REV3L: variants seen among roughly 807,000 people sequenced by gnomAD.
REV3L encodes the protein REV3 like, DNA directed polymerase zeta catalytic subunit.
In REV3L, 69 loss-of-function variants were observed where a neutral mutation model predicts 299.4. The observed-to-expected ratio is 0.23, with a 90% confidence interval of 0.19 to 0.28. REV3L has a LOEUF of 0.28. Ranked by LOEUF, REV3L falls within the 10% of genes least tolerant of loss-of-function variation. The probability of loss-of-function intolerance (pLI) is 1.00; values close to 1 mark genes in which losing one functional copy is unlikely to be tolerated. For missense variants in REV3L, 3,128 were observed against 3,693.8 expected, an observed-to-expected ratio of 0.85 and a Z score of 3.97; for synonymous variants, 1,238 against 1,271.4, an observed-to-expected ratio of 0.97 and a Z score of 0.56.
chr6:111,311,076 G>T lies in REV3L; in HGVS notation c.8788C>A (p.Leu2930Ile). Reference protein sequence around the residue: ...KPGACVPALELTRKMLTYDRR... With the variant: ...KPGACVPALEITRKMLTYDRR... ...TACTGAGGGTATCATTACCTTGTAA[G>T]TTCAAGGGCTGGCACACAAGCTCCT... The change falls in exon 29 of 32, where the codon CTT (leucine) becomes ATT (isoleucine). Residue 2930 changes from leucine to isoleucine, a missense_variant. Coordinates refer to ENST00000368802, the MANE Select transcript of REV3L (RefSeq NM_001372078.1). 6.2e-7 allele frequency: 1 copy of T among 1,612,570 alleles called. No homozygotes were observed. The highest frequency in any genetic ancestry group is 8.5e-7 in the Non-Finnish European group (1 of 1,179,336).
At chr6:111,399,015 C>G (rs968061945) in intron 4 of REV3L, among the ~76,000 whole-genome samples, 2 of 152,038 alleles carry the variant, frequency 1.3e-5, no homozygotes, top group African/African-American at 2.4e-5. Flanking sequence ...GTAAACACTT[C>G]CGATATTCTG....
At chr6:111,355,447 T>A (rs1777992460) in intron 18 of REV3L, among the ~76,000 whole-genome samples, 1 of 152,158 alleles carries the variant, frequency 6.6e-6, no homozygotes, top group Non-Finnish European at 1.5e-5. Context: ...AAGAATGAAA[T>A]AATCAATCTT....
At position 111,373,687 on chromosome 6, in the gene REV3L, T is replaced by C; in HGVS notation, c.4668A>G (p.Gln1556=). 1 of 1,613,966 alleles carries C rather than the reference T, an allele frequency of 6.2e-7. No homozygotes were observed. Among genetic ancestry groups the C allele is most frequent in the African/African-American group, 1.3e-5 (1 of 75,008 alleles). ...GGGAACCAGAAATATTTTTATTTGGTTGATGTTTATTGGATAATGGGTCTT... is the reference window on the plus strand; with the variant it reads ...GGGAACCAGAAATATTTTTATTTGGCTGATGTTTATTGGATAATGGGTCTT... ...TTQDPLSNKH[Q]PNKNISGSLE... is the part of the protein sequence containing the mutation. The change falls in exon 13 of 32, where the codon CAA becomes CAG. Residue 1556 remains glutamine (Q), a synonymous_variant. Transcript: ENST00000368802.
intron 1 of REV3L, among the ~76,000 whole-genome samples, chr6:111,464,885 C>T (rs1197316843): frequency 6.6e-6 from 1 of 151,780 alleles, no homozygotes; most frequent in Non-Finnish European, 1.5e-5. Flanking sequence ...GCCTATAGTC[C>T]CAGCTACTTG....
At chr6:111,472,367 G>A (rs1376374671) in intron 1 of REV3L, among the ~76,000 whole-genome samples, 3 of 151,552 alleles carry the variant, frequency 2.0e-5, no homozygotes, top group Admixed American at 6.6e-5. Context: ...CTTTGTAATC[G>A]TAATAAATGG....
At chr6:111,337,043 C>G (rs1226151255) in intron 21 of REV3L, among the ~76,000 whole-genome samples, 4 of 147,286 alleles carry the variant, frequency 2.7e-5, no homozygotes, top group African/African-American at 1.0e-4. Flanking sequence ...GAAAATAGAT[C>G]AGCGGTTGTC....
At chr6:111,348,052 T>C (rs1192892668) in intron 20 of REV3L, among the ~76,000 whole-genome samples, 1 of 152,202 alleles carries the variant, frequency 6.6e-6, no homozygotes, top group Non-Finnish European at 1.5e-5. Context: ...TCCACCCTCC[T>C]TGGCCTCCCC....
intron 1 of REV3L, among the ~76,000 whole-genome samples, chr6:111,474,275 A>T (rs1015133430): frequency 8.5e-5 from 13 of 152,232 alleles, no homozygotes; most frequent in Non-Finnish European, 1.8e-4. Context: ...GCACGTGGTG[A>T]GCAGCATCCA....
chr6:111,414,792 C>A (rs1486242959), intron 2 of REV3L, among the ~76,000 whole-genome samples: 1 of 152,152 alleles, frequency 6.6e-6, no homozygotes, highest in Non-Finnish European at 1.5e-5. Flanking sequence ...ACAATCCTTA[C>A]CCAAACACAA....
chr6:111,431,877 G>T, intron 1 of REV3L: 1 of 421,476 alleles, frequency 2.4e-6, no homozygotes, highest in African/African-American at 2.0e-5. Flanking sequence ...TGTAAATTGT[G>T]TTTTTAATTA....
chr6:111,482,706 C>G (rs2128350707), intron 1 of REV3L, 44 bp downstream of exon 1: 1 of 1,186,808 alleles, frequency 8.4e-7, no homozygotes, highest in African/African-American at 1.6e-5. Context: ...GGCCCCGGCG[C>G]CCCGCCGACT....
At chr6:111,460,731 A>G (rs544101857) in intron 1 of REV3L, among the ~76,000 whole-genome samples, 4 of 152,264 alleles carry the variant, frequency 2.6e-5, no homozygotes, top group South Asian at 4.1e-4. Flanking sequence ...ACAAAACTTC[A>G]TATTTTTCTT....
In REV3L at chr6:111,307,582, T is replaced by C; in HGVS notation, c.9043-12A>G. ...GTAGCTTTATGGATCTATAAAAACA[T>C]CCATTCAGAAGTAAGCCTGAGTCAG... is the stretch of plus-strand genomic sequence containing the variant. On this transcript the variant is annotated splice_polypyrimidine_tract_variant and intron_variant, in intron 30 of 31. Coordinates refer to ENST00000368802, the MANE Select transcript of REV3L (RefSeq NM_001372078.1). 2 of 1,613,830 alleles carry C rather than the reference T, an allele frequency of 1.2e-6. No individual in the cohort carries two copies. The highest frequency in any genetic ancestry group is 1.7e-6 in the Non-Finnish European group (2 of 1,179,752).
chr6:111,326,198 C>T (rs1412510996), intron 25 of REV3L, among the ~76,000 whole-genome samples: 4 of 152,208 alleles, frequency 2.6e-5, no homozygotes, highest in Non-Finnish European at 5.9e-5. Context: ...GAAGAGACAA[C>T]CCATAGAATG....
intron 21 of REV3L, among the ~76,000 whole-genome samples, chr6:111,340,112 A>G (rs907169890): frequency 2.0e-5 from 3 of 152,148 alleles, no homozygotes; most frequent in Admixed American, 2.0e-4. Flanking sequence ...AAAAAAGGAG[A>G]CAGGAGAATC....
At chr6:111,460,804 T>A (rs1318601266) in intron 1 of REV3L, among the ~76,000 whole-genome samples, 1 of 152,106 alleles carries the variant, frequency 6.6e-6, no homozygotes, top group Admixed American at 6.6e-5. Flanking sequence ...TACTGCATAA[T>A]GATATTTAAT....
chr6:111,478,072 A>C (rs1793156087), intron 1 of REV3L, among the ~76,000 whole-genome samples: 1 of 152,262 alleles, frequency 6.6e-6, no homozygotes, highest in Non-Finnish European at 1.5e-5. Flanking sequence ...TGCAAAGAGC[A>C]GTTGTCTTCA....
chr6:111,303,500 GGGATTATA>G (rs1324934232), intron 31 of REV3L, among the ~76,000 whole-genome samples: 2 of 151,444 alleles, frequency 1.3e-5, no homozygotes, highest in Non-Finnish European at 2.9e-5. Context: ...CCAAGTAGCT[GGGATTATA>G]GGTGCCTGCC....
chr6:111,339,320 C>G (rs1776252320), intron 21 of REV3L, among the ~76,000 whole-genome samples: 1 of 152,002 alleles, frequency 6.6e-6, no homozygotes, highest in African/African-American at 2.4e-5. Flanking sequence ...TAAGACTAAT[C>G]CATCCTAGTT....
Sources: gnomAD v4.1 joint callset for allele counts (sites outside exome capture counted in the v4.1 genomes callset) on GRCh38, gnomAD v4.1.1 for gene constraint, MANE v1.5 for transcripts, NCBI Gene and HGNC (gene_info 2026-07-23, HGNC 2026-07-21) for gene names.